Variants in EYS observed in about 807,000 individuals in gnomAD.
The protein encoded by EYS is protein eyes shut homolog.
EYS carries 250 observed loss-of-function variants against 282.1 expected under a neutral mutation model. That is an observed-to-expected ratio of 0.89 (90% CI 0.80 to 0.98). The LOEUF (loss-of-function observed/expected upper bound fraction) is 0.98. Among genes scored for constraint, EYS ranks in the 50% least tolerant of loss-of-function variants. EYS has a pLI of 0.00. For synonymous variants in EYS, 1,355 were observed against 1,282.9 expected, an observed-to-expected ratio of 1.06 and a Z score of -1.20; for missense variants, 4,016 against 3,709.0, an observed-to-expected ratio of 1.08 and a Z score of -2.15.
intron 2 of EYS, among the ~76,000 whole-genome samples, chr6:65,610,376 G>T (rs1765954488): frequency 6.6e-6 from 1 of 151,776 alleles, no homozygotes; most frequent in African/African-American, 2.4e-5. Context: ...GTCATTAATT[G>T]CTAACAATGA....
intron 26 of EYS, among the ~76,000 whole-genome samples, chr6:64,537,377 T>TG: frequency 6.6e-6 from 1 of 152,082 alleles, no homozygotes; most frequent in African/African-American, 2.4e-5. Flanking sequence ...ATGGTGTATA[T>TG]GTGCCACATT....
chr6:64,591,535 G>A lies in EYS; in HGVS notation c.4332C>T (p.Leu1444=). Residue 1444 remains leucine (L), a synonymous_variant, in exon 26 of 43, where the codon CTC becomes CTT. Coordinates refer to ENST00000503581, the MANE Select transcript of EYS (RefSeq NM_001142800.2). ...ADIELNRQSL[L]SRGFLLIAAS... is the part of the protein sequence containing the mutation. ...CAGCTATAAGCAGGAATCCACGGGA[G>A]AGTAATGACTGCCTGTTTAGCTCAA... is the stretch of plus-strand genomic sequence containing the variant. 6.4e-7 allele frequency: 1 copy of A among 1,551,318 alleles called. No homozygotes were observed.
intron 35 of EYS, among the ~76,000 whole-genome samples, chr6:63,940,721 A>T (rs913405473): frequency 2.0e-5 from 3 of 151,392 alleles, no homozygotes; most frequent in Non-Finnish European, 4.4e-5. Flanking sequence ...TCTAGGGTAC[A>T]TGTGTACAAT....
intron 5 of EYS, among the ~76,000 whole-genome samples, chr6:65,415,216 G>C (rs1767182723): frequency 6.6e-6 from 1 of 152,068 alleles, no homozygotes; most frequent in Admixed American, 6.6e-5. Flanking sequence ...AAAATGGAAA[G>C]AGGTAGTATA....
In EYS at chr6:65,534,587, C is replaced by A. The variant is rs911729282; in HGVS notation, c.-332-38594G>T. Among the ~76,000 whole-genome samples, 4 of 152,170 alleles carry A rather than the reference C, an allele frequency of 2.6e-5. No homozygotes were observed. The East Asian group carries it at 7.8e-4, about 30-fold the overall frequency. Reference sequence around the variant, plus strand: ...CCAGCACTTCATTGACTGACGGCTTCCTTAATTTTTGCGTCTGCTTGCAAC... The same window carrying A: ...CCAGCACTTCATTGACTGACGGCTTACTTAATTTTTGCGTCTGCTTGCAAC... On this transcript the variant is annotated intron_variant, in intron 2 of 42. Transcript: ENST00000503581.
chr6:65,578,466 G>T (rs192698428), intron 2 of EYS, among the ~76,000 whole-genome samples: 2 of 151,776 alleles, frequency 1.3e-5, no homozygotes, highest in African/African-American at 4.8e-5. Context: ...TTCTTGGGAG[G>T]ATGTTGGTCA....
intron 24 of EYS, among the ~76,000 whole-genome samples, chr6:64,596,757 T>G: frequency 6.6e-6 from 1 of 152,062 alleles, no homozygotes; most frequent in Non-Finnish European, 1.5e-5. Context: ...ATAAAACTAC[T>G]AGAAGAAAAC....
intron 29 of EYS, among the ~76,000 whole-genome samples, chr6:64,365,603 C>T (rs138845374): frequency 5.3e-5 from 8 of 152,106 alleles, no homozygotes; most frequent in Non-Finnish European, 1.2e-4. Flanking sequence ...TTCATTTGTA[C>T]AGTAGTCCCC....
At chr6:65,507,006 T>C (rs978514879) in intron 2 of EYS, among the ~76,000 whole-genome samples, 7 of 152,108 alleles carry the variant, frequency 4.6e-5, no homozygotes, top group Non-Finnish European at 1.5e-5. Context: ...AGGCATTTTG[T>C]TTTATCTTTA....
At chr6:65,275,521 G>A (rs1172181994) in intron 12 of EYS, among the ~76,000 whole-genome samples, 2 of 152,116 alleles carry the variant, frequency 1.3e-5, no homozygotes, top group Non-Finnish European at 2.9e-5. Context: ...TTCTCTCTTT[G>A]AGCCTGCATC....
chr6:65,497,724 C>T (rs897319246), intron 2 of EYS, among the ~76,000 whole-genome samples: 5 of 151,942 alleles, frequency 3.3e-5, no homozygotes, highest in African/African-American at 9.7e-5. Flanking sequence ...TTGGAAACTG[C>T]GACTTCAAGC....
chr6:64,025,583 C>T (rs1343146352), intron 33 of EYS, among the ~76,000 whole-genome samples: 1 of 152,174 alleles, frequency 6.6e-6, no homozygotes, highest in Non-Finnish European at 1.5e-5. Flanking sequence ...GACTCTGTTA[C>T]CTTCTTTAGG....
rs144333940 is a variant in EYS at position 65,587,630 on chromosome 6, C to T, written c.-333+52148G>A. On this transcript the variant is annotated intron_variant, in intron 2 of 42. Transcript: ENST00000503581. Reference sequence around the variant, plus strand: ...AAATACTCAGTCTCAGGTATGTCTTCATTGGCAGTGTGAGAATGGACTTAC... The same window carrying T: ...AAATACTCAGTCTCAGGTATGTCTTTATTGGCAGTGTGAGAATGGACTTAC... 2.2e-3 allele frequency among the ~76,000 whole-genome samples: 336 copies of T among 152,186 alleles called. 2 individuals are homozygous for T. Among genetic ancestry groups the T allele is most frequent in the South Asian group, 7.7e-3 (37 of 4,828 alleles).
intron 35 of EYS, among the ~76,000 whole-genome samples, chr6:63,923,883 A>G (rs1562097901): frequency 6.6e-6 from 1 of 151,910 alleles, no homozygotes. Flanking sequence ...CCTAACCTTT[A>G]CTCTCCTTAT....
intron 33 of EYS, among the ~76,000 whole-genome samples, chr6:64,029,054 G>T (rs909814478): frequency 7.2e-5 from 11 of 152,054 alleles, no homozygotes. Flanking sequence ...AGATAGCCAG[G>T]CCCCTCTATA....
In EYS at chr6:64,820,960, CT is replaced by C. The variant is rs1026951023; in HGVS notation, c.3243+684del. Among the ~76,000 whole-genome samples the C allele has an allele frequency of 3.0e-4, 46 of 152,036 alleles. 1 individual carries two copies. The Middle Eastern group carries it at 0.014, about 45-fold the overall frequency. ...ACCCATGGTTTCACAATGACAAAGG[CT>C]TTTAGTTTGTATGCTTCCTCCCTTT... On this transcript the variant is annotated intron_variant, in intron 21 of 42. Transcript: ENST00000503581.
At chr6:64,555,792 T>C (rs1408894253) in intron 26 of EYS, among the ~76,000 whole-genome samples, 1 of 151,940 alleles carries the variant, frequency 6.6e-6, no homozygotes, top group Non-Finnish European at 1.5e-5. Context: ...TTATCACATG[T>C]ATATTGAAAA....
At chr6:65,300,551 G>T (rs1489371129) in intron 11 of EYS, among the ~76,000 whole-genome samples, 1 of 151,718 alleles carries the variant, frequency 6.6e-6, no homozygotes, top group Admixed American at 6.6e-5. Flanking sequence ...AACTGACTTT[G>T]GTCTCTGGCT....
chr6:65,363,385 T>C (rs774066782), intron 8 of EYS, among the ~76,000 whole-genome samples: 1 of 151,986 alleles, frequency 6.6e-6, no homozygotes, highest in African/African-American at 2.4e-5. Flanking sequence ...AGCAATTAAA[T>C]ATATAGCTTT....
Sources: allele counts gnomAD v4.1 joint callset (sites outside exome capture counted in the v4.1 genomes callset), GRCh38; gene constraint gnomAD v4.1.1; transcripts MANE v1.5; gene names NCBI Gene and HGNC (gene_info 2026-07-23, HGNC 2026-07-21).